Variants in GLIS1 observed in about 807,000 individuals in gnomAD.
The protein encoded by GLIS1 is GLIS family zinc finger 1.
Under a neutral mutation model 63.8 loss-of-function variants are expected in GLIS1, and 24 were observed. That is an observed-to-expected ratio of 0.38 (90% confidence interval 0.27 to 0.53). The LOEUF is 0.53. GLIS1 is among the 20% of genes least tolerant of loss of function. GLIS1 has a pLI of 0.85. For missense variants in GLIS1, 1,036 were observed against 1,074.1 expected, an observed-to-expected ratio of 0.96 and a Z score of 0.50; for synonymous variants, 450 against 482.5, an observed-to-expected ratio of 0.93 and a Z score of 0.88.
chr1:53,716,657 AAAG>A (rs774724230), intron 2 of GLIS1, among the ~76,000 whole-genome samples: 2 of 151,590 alleles, frequency 1.3e-5, no homozygotes, highest in East Asian at 1.9e-4. Context: ...CTAAAATAAA[AAAG>A]AAGATGGGAA....
intron 2 of GLIS1, among the ~76,000 whole-genome samples, chr1:53,702,947 G>A (rs756177401): frequency 6.6e-6 from 1 of 152,198 alleles, no homozygotes; most frequent in Non-Finnish European, 1.5e-5. Context: ...GGCCTCTGCT[G>A]AGCACCGTGG....
At chr1:53,544,396 C>T (rs1320454712) in intron 4 of GLIS1, among the ~76,000 whole-genome samples, 1 of 152,168 alleles carries the variant, frequency 6.6e-6, no homozygotes, top group Non-Finnish European at 1.5e-5. Flanking sequence ...TCGGGCAGCT[C>T]ACTTGCCAGG....
chr1:53,700,898 T>TC (rs1391748598), intron 2 of GLIS1, among the ~76,000 whole-genome samples: 1 of 152,266 alleles, frequency 6.6e-6, no homozygotes, highest in Non-Finnish European at 1.5e-5. Context: ...TCTGGCTTCT[T>TC]CCACACAGCA....
In GLIS1 at chr1:53,738,006, G is replaced by T; in HGVS notation, c.59C>A (p.Ala20Glu). The T allele has an allele frequency of 8.1e-7, 1 of 1,230,640 alleles. No homozygotes were observed. The highest frequency in any genetic ancestry group is 1.0e-6 in the Non-Finnish European group (1 of 987,212). 76.2% of individuals were successfully genotyped at this position (1,230,640 alleles called of 1,614,324 possible). A position where few individuals can be genotyped will look rare whatever the true frequency, so the allele number is the denominator to read the frequency against. Residue 20 changes from alanine to glutamate, a missense_variant, in exon 2 of 11, where the codon GCG becomes GAG. Coordinates refer to ENST00000628545, the MANE Select transcript of GLIS1 (RefSeq NM_001367484.1). ...GGCGGGGCCGCGGTCGGGGCCGGGC[G>T]CACCAGGGGCCTCCTTAGGCCTCTT... ...SDKRPKEAPG[A>E]PGPDRGPASL...
chr1:53,540,082 G>A (rs945268103), intron 4 of GLIS1, among the ~76,000 whole-genome samples: 1 of 152,072 alleles, frequency 6.6e-6, no homozygotes, highest in African/African-American at 2.4e-5. Context: ...CCGATGCTGC[G>A]GCCAGGACTG....
intron 2 of GLIS1, among the ~76,000 whole-genome samples, chr1:53,674,700 G>C (rs1366854560): frequency 6.6e-6 from 1 of 152,196 alleles, no homozygotes. Flanking sequence ...TGAGGAACAT[G>C]TAATGAAGTA....
Position 53,737,929 on chromosome 1 carries a change from C to T in GLIS1, c.136G>A (p.Gly46Arg), listed in dbSNP as rs941512041. The T allele has an allele frequency of 2.4e-6, 3 of 1,230,050 alleles. No homozygotes were observed. Among genetic ancestry groups the T allele is most frequent in the Non-Finnish European group, 3.0e-6 (3 of 986,806 alleles). The allele number at this position is 1,230,050 out of a possible 1,614,324, so 76.2% of individuals were successfully genotyped here. Residue 46 changes from glycine to arginine, a missense_variant, in exon 2 of 11, where the codon GGG becomes AGG. By Grantham distance (125) the Gly-to-Arg change is moderately radical. Coordinates refer to ENST00000628545, the MANE Select transcript of GLIS1 (RefSeq NM_001367484.1). ...AGCAGGTCCCGCGGGCCCCTGTCCC[C>T]GCAGCCGCCGCCACTCACGGTGACC... ...FRVTVSGGGC[G>R]DRGPRDLLAR...
chr1:53,734,239 GA>G, intron 2 of GLIS1: 1 of 972,962 alleles, frequency 1.0e-6, no homozygotes, highest in Non-Finnish European at 1.2e-6. Context: ...ATTAAATAGT[GA>G]CCTCATTATC....
chr1:53,562,706 C>T lies in GLIS1; in HGVS notation c.1320+31402G>A, dbSNP rs545001585. On this transcript the variant is annotated intron_variant, in intron 4 of 10. Coordinates refer to ENST00000628545, the MANE Select transcript of GLIS1 (RefSeq NM_001367484.1). ...TCCAACCGTATCAACACTATTAGAA[C>T]AATGATGATAAAGAAGAATCTTAAC... Among the ~76,000 whole-genome samples, 3 of 152,268 alleles carry T rather than the reference C, an allele frequency of 2.0e-5. No homozygotes were observed. The East Asian group carries it at 5.8e-4, about 29-fold the overall frequency.
chr1:53,562,128 G>A (rs1201575565), intron 4 of GLIS1, among the ~76,000 whole-genome samples: 3 of 152,220 alleles, frequency 2.0e-5, no homozygotes, highest in African/African-American at 4.8e-5. Flanking sequence ...CACGGTTAAG[G>A]GGGCAATGCA....
Position 53,529,859 on chromosome 1 carries a change from G to A in GLIS1, c.1414C>T (p.Pro472Ser). 6.2e-7 allele frequency: 1 copy of A among 1,613,932 alleles called. No individual in the cohort carries two copies. The highest frequency in any genetic ancestry group is 8.5e-7 in the Non-Finnish European group (1 of 1,179,992). ...TGEKPYLCQH[P>S]GCQKAFSNSS... ...TTGCTGAAGGCCTTCTGGCAACCCG[G>A]GTGCTGGCACAGGTACGGCTTCTCG... The change falls in exon 5 of 11, where the codon CCG becomes TCG. Residue 472 changes from proline to serine, a missense_variant. This residue lies in a region of GLIS1 where 44 missense variants were observed against 79.3 expected (regional missense o/e 0.55). Transcript: ENST00000628545.
intron 2 of GLIS1, among the ~76,000 whole-genome samples, chr1:53,661,842 GA>G (rs534883069): frequency 1.3e-5 from 2 of 152,334 alleles, no homozygotes; most frequent in Non-Finnish European, 2.9e-5. Flanking sequence ...ACCACCAGAT[GA>G]GAACTCAGTG....
chr1:53,636,969 C>T (rs913485295), intron 2 of GLIS1, among the ~76,000 whole-genome samples: 3 of 152,218 alleles, frequency 2.0e-5, no homozygotes, highest in Admixed American at 2.0e-4. Flanking sequence ...GTCCCTAGCC[C>T]CTCACGTACA....
intron 2 of GLIS1, among the ~76,000 whole-genome samples, chr1:53,689,798 G>C (rs1047599278): frequency 6.6e-6 from 1 of 152,100 alleles, no homozygotes; most frequent in Non-Finnish European, 1.5e-5. Context: ...GCATCTCAGC[G>C]CCCATTACTG....
chr1:53,695,794 T>C (rs1646459639), intron 2 of GLIS1, among the ~76,000 whole-genome samples: 1 of 152,242 alleles, frequency 6.6e-6, no homozygotes, highest in Non-Finnish European at 1.5e-5. Context: ...ATTGGGTTTA[T>C]ATACAGTGTT....
chr1:53,712,428 T>C (rs539130489), intron 2 of GLIS1, among the ~76,000 whole-genome samples: 2 of 152,312 alleles, frequency 1.3e-5, no homozygotes, highest in East Asian at 3.9e-4. Flanking sequence ...GGCTTCCTCA[T>C]CATTCAAAGC....
At chr1:53,590,629 G>A (rs912367923) in intron 4 of GLIS1, among the ~76,000 whole-genome samples, 2 of 152,212 alleles carry the variant, frequency 1.3e-5, no homozygotes, top group Admixed American at 6.5e-5. Context: ...GAGTCGTCGC[G>A]TCAGTATTTG....
intron 3 of GLIS1, among the ~76,000 whole-genome samples, chr1:53,597,939 C>G (rs912868370): frequency 6.6e-6 from 1 of 152,156 alleles, no homozygotes; most frequent in Admixed American, 6.5e-5. Flanking sequence ...TTAGCTTTTC[C>G]TAGGTTAGCA....
At chr1:53,635,547 TAA>T (rs368725112) in intron 2 of GLIS1, among the ~76,000 whole-genome samples, 2 of 143,472 alleles carry the variant, frequency 1.4e-5, no homozygotes, top group Admixed American at 6.9e-5. Flanking sequence ...CACAAGATGT[TAA>T]AAAAAAAAAG....
Sources: allele counts gnomAD v4.1 joint callset (sites outside exome capture counted in the v4.1 genomes callset), GRCh38; gene constraint gnomAD v4.1.1; regional missense constraint gnomAD v4.1.1; transcripts MANE v1.5; gene names NCBI Gene and HGNC (gene_info 2026-07-23, HGNC 2026-07-21).